Variants in SCG5 observed in about 807,000 individuals in gnomAD.
SCG5 encodes the protein secretogranin V, also known as neuroendocrine protein 7B2.
In SCG5, 18 loss-of-function variants were observed where a neutral mutation model predicts 25.7. The ratio of observed to expected loss-of-function variants is 0.70; its 90% CI spans 0.48 to 1.04. SCG5 has a LOEUF of 1.04. SCG5 is among the 50% of genes least tolerant of loss of function. SCG5 has a pLI of 0.00. For synonymous variants in SCG5, 101 were observed against 91.7 expected, an observed-to-expected ratio of 1.10 and a Z score of -0.58; for missense variants, 206 against 259.8, an observed-to-expected ratio of 0.79 and a Z score of 1.42.
chr15:32,684,284 A>G, intron 3 of SCG5: 1 of 397,724 alleles, frequency 2.5e-6, no homozygotes, highest in Non-Finnish European at 4.5e-6. Flanking sequence ...CGTGATTGCA[A>G]AGCAAGGCTG....
At chr15:32,657,685 C>T (rs745791991) in intron 2 of SCG5, among the ~76,000 whole-genome samples, 2 of 152,116 alleles carry the variant, frequency 1.3e-5, no homozygotes, top group Non-Finnish European at 2.9e-5. Context: ...CTCTTGTGGG[C>T]GTCTCTGGCA....
chr15:32,696,318 C>A (rs561727794), intron 5 of SCG5, among the ~76,000 whole-genome samples, 196 bp from the exon 6 acceptor site: 27 of 152,136 alleles, frequency 1.8e-4, no homozygotes, highest in African/African-American at 6.3e-4. Flanking sequence ...GGGGTTTCAC[C>A]GTGTTAGCCA....
In SCG5 at chr15:32,664,010, A is replaced by G. The variant is rs188053548; in HGVS notation, c.227-15756A>G. Among the ~76,000 whole-genome samples, 599 of 152,338 alleles carry G rather than the reference A, an allele frequency of 3.9e-3. 2 individuals carry two copies. The highest frequency in any genetic ancestry group is 6.5e-3 in the Non-Finnish European group (445 of 68,030). The stretch of plus-strand genomic sequence containing the variant: ...AAAATATCTCCCATGTGGTATAGTA[A>G]GAAGAGCACTGAATTTGAATTCTGA... On this transcript the variant is annotated intron_variant, in intron 2 of 5. Transcript: ENST00000300175.
In SCG5 at chr15:32,676,191, A is replaced by T. The variant is rs1247126668; in HGVS notation, c.227-3575A>T. On this transcript the variant is annotated intron_variant, in intron 2 of 5. Coordinates refer to ENST00000300175, the MANE Select transcript of SCG5 (RefSeq NM_001144757.3). Reference sequence around the variant, plus strand: ...GCATATCTCCCTCAGTTCCTACCTCAGTGAGTGTTTCTTGATCTGACATCA... The same window carrying T: ...GCATATCTCCCTCAGTTCCTACCTCTGTGAGTGTTTCTTGATCTGACATCA... Among the ~76,000 whole-genome samples the T allele has an allele frequency of 3.3e-5, 5 of 152,176 alleles. No homozygotes were observed. The East Asian group carries it at 9.6e-4, about 29-fold the overall frequency.
At chr15:32,642,751 C>CT (rs1339248496) in intron 1 of SCG5, among the ~76,000 whole-genome samples, 4 of 151,994 alleles carry the variant, frequency 2.6e-5, no homozygotes, top group Non-Finnish European at 5.9e-5. Flanking sequence ...AGTTAACTCC[C>CT]TCTCACCACC....
intron 5 of SCG5, among the ~76,000 whole-genome samples, chr15:32,695,011 CTTT>C (rs10718630): frequency 1.6e-5 from 2 of 123,670 alleles, no homozygotes. Flanking sequence ...TTCTTTCTTT[CTTT>C]TTTTTTTTTT....
At chr15:32,651,955 G>T (rs1297904910) in intron 2 of SCG5, among the ~76,000 whole-genome samples, 1 of 152,172 alleles carries the variant, frequency 6.6e-6, no homozygotes, top group Non-Finnish European at 1.5e-5. Flanking sequence ...TACTGTAGGG[G>T]TGGATGGGGT....
intron 5 of SCG5, among the ~76,000 whole-genome samples, chr15:32,692,604 T>C (rs2054878753): frequency 6.6e-6 from 1 of 152,218 alleles, no homozygotes. Flanking sequence ...ACAACCCCAC[T>C]GTTACATGGT....
Position 32,691,764 on chromosome 15 carries a change from GT to G in SCG5, c.543+2del. On this transcript the variant is annotated splice_donor_variant, in intron 5 of 5. Transcript: ENST00000300175. LOFTEE classifies it high-confidence loss of function. Reference sequence around the variant, plus strand: ...GGGAGGAGAGAGACGAAAGCGGAGGGTAACACGTGCCTGGCTGGATTGTTGC... The same window carrying G: ...GGGAGGAGAGAGACGAAAGCGGAGGGAACACGTGCCTGGCTGGATTGTTGC... 2 of 1,612,504 alleles carry G rather than the reference GT, an allele frequency of 1.2e-6. No individual in the cohort carries two copies. Among genetic ancestry groups the G allele is most frequent in the Non-Finnish European group, 1.7e-6 (2 of 1,179,318 alleles).
chr15:32,651,748 T>C (rs1595791204), intron 2 of SCG5, among the ~76,000 whole-genome samples: 1 of 152,136 alleles, frequency 6.6e-6, no homozygotes, highest in African/African-American at 2.4e-5. Context: ...ATTGCATGGA[T>C]AGTAATGAGA....
chr15:32,696,615 A>C lies in SCG5; in HGVS notation c.*6A>C, dbSNP rs767302999. 3 of 1,602,680 alleles carry C rather than the reference A, an allele frequency of 1.9e-6. No individual in the cohort carries two copies. The highest frequency in any genetic ancestry group is 3.4e-5 in the Admixed American group (2 of 59,694). On this transcript the variant is annotated 3_prime_UTR_variant, in exon 6 of 6. Transcript: ENST00000300175. ...AGGATAAGGATCCAGAGTAAAGAGA[A>C]GATGCTAGACGAAAACCCACATTAC...
chr15:32,693,754 T>G (rs1294817376), intron 5 of SCG5, among the ~76,000 whole-genome samples: 4 of 152,146 alleles, frequency 2.6e-5, no homozygotes, highest in Non-Finnish European at 5.9e-5. Flanking sequence ...CCCTACCCAA[T>G]CTCTTGCCCA....
intron 2 of SCG5, among the ~76,000 whole-genome samples, chr15:32,652,831 C>T (rs922390373): frequency 3.3e-5 from 5 of 152,176 alleles, no homozygotes; most frequent in African/African-American, 1.2e-4. Context: ...ACTTTTACAA[C>T]TATAACTATT....
At chr15:32,684,140 G>A (rs1365663414) in intron 3 of SCG5, among the ~76,000 whole-genome samples, 4 of 152,164 alleles carry the variant, frequency 2.6e-5, no homozygotes, top group African/African-American at 9.7e-5. Context: ...ATGGGGGTGG[G>A]GAATGAGGAG....
chr15:32,687,919 A>G (rs1377586740), intron 4 of SCG5, among the ~76,000 whole-genome samples: 2 of 152,234 alleles, frequency 1.3e-5, no homozygotes, highest in Non-Finnish European at 2.9e-5. Flanking sequence ...ATATAATACA[A>G]TAGTAAATAG....
chr15:32,666,438 C>T (rs1479216236), intron 2 of SCG5: 1 of 152,218 alleles, frequency 6.6e-6, no homozygotes, highest in Non-Finnish European at 1.5e-5. Context: ...GGCCCATTTA[C>T]CTCTGCTCCC....
intron 2 of SCG5, among the ~76,000 whole-genome samples, chr15:32,665,365 T>G (rs963335211): frequency 2.1e-5 from 3 of 140,114 alleles, no homozygotes; most frequent in Admixed American, 6.9e-5. Context: ...TGGTTTGGGG[T>G]TTTTTTTTTT....
chr15:32,648,734 C>T (rs2053986413), intron 2 of SCG5, among the ~76,000 whole-genome samples: 1 of 150,876 alleles, frequency 6.6e-6, no homozygotes, highest in South Asian at 2.1e-4. Context: ...ACTGCCCTGT[C>T]TGAGTAGCAC....
At chr15:32,648,954 G>C (rs1179726813) in intron 2 of SCG5, among the ~76,000 whole-genome samples, 1 of 152,128 alleles carries the variant, frequency 6.6e-6, no homozygotes, top group African/African-American at 2.4e-5. Context: ...TGTGTTTTTA[G>C]TAGAGACGGG....
Sources: allele counts gnomAD v4.1 joint callset (sites outside exome capture counted in the v4.1 genomes callset), GRCh38; gene constraint gnomAD v4.1.1; transcripts MANE v1.5; gene names NCBI Gene and HGNC (gene_info 2026-07-23, HGNC 2026-07-21).